Variants in CYLC2 observed in about 807,000 individuals in gnomAD.
The protein encoded by CYLC2 is cylicin 2, also known as cylicin-2.
Under a neutral mutation model 26.1 loss-of-function variants are expected in CYLC2, and 30 were observed. That is an observed-to-expected ratio of 1.15 (90% confidence interval 0.86 to 1.56). The LOEUF is 1.56. Among genes scored for constraint, CYLC2 ranks in the 40% most tolerant of loss-of-function variants. CYLC2 has a pLI of 0.00. For synonymous variants in CYLC2, 158 were observed against 132.8 expected (o/e 1.19, Z -1.31); for missense variants, 498 against 394.4 (o/e 1.26, Z -2.23).
intron 5 of CYLC2, among the ~76,000 whole-genome samples, chr9:103,009,420 T>C (rs976905098): frequency 6.6e-6 from 1 of 151,806 alleles, no homozygotes; most frequent in African/African-American, 2.4e-5. Context: ...CCCAGACTGG[T>C]CTCCAACTCC....
intron 1 of CYLC2, among the ~76,000 whole-genome samples, chr9:102,999,847 T>C (rs536932174): frequency 6.6e-6 from 1 of 151,986 alleles, no homozygotes; most frequent in South Asian, 2.1e-4. Context: ...ATTTTATATG[T>C]TTGTCAGTAT....
At position 103,005,163 on chromosome 9, in the gene CYLC2, T is replaced by A; in HGVS notation, c.532T>A (p.Ser178Thr). 6.2e-7 allele frequency: 1 copy of A among 1,604,446 alleles called. No individual in the cohort carries two copies. Among genetic ancestry groups the A allele is most frequent in the East Asian group, 2.2e-5 (1 of 44,696 alleles). Residue 178 changes from serine to threonine, a missense_variant, in exon 5 of 8, where the codon TCT (serine) becomes ACT (threonine). By Grantham distance (58) the Ser-to-Thr change is moderately conservative. Transcript: ENST00000374798. ...GAAGGGCAAAGACTCAGCAACAGAA[T>A]CTGAAGATGAAAAAGGAGGTGCAAA... ...AEKGKDSATE[S>T]EDEKGGAKKD...
At chr9:103,000,785 C>T (rs75481129) in intron 1 of CYLC2, among the ~76,000 whole-genome samples, 10,266 of 151,982 alleles carry the variant, frequency 0.068, 382 homozygotes, top group South Asian at 0.12. Flanking sequence ...TCACTCATGA[C>T]CAACGATGGC....
chr9:103,000,929 A>T (rs1829282392), intron 1 of CYLC2, among the ~76,000 whole-genome samples: 1 of 151,902 alleles, frequency 6.6e-6, no homozygotes, highest in Admixed American at 6.5e-5. Context: ...TTAAGATAGT[A>T]ATAAAACAAA....
intron 5 of CYLC2, among the ~76,000 whole-genome samples, chr9:103,009,767 G>C (rs1450032614): frequency 6.6e-6 from 1 of 151,708 alleles, no homozygotes; most frequent in Non-Finnish European, 1.5e-5. Flanking sequence ...TACCTCTATA[G>C]TTTGTTTTAA....
At chr9:103,004,013 T>A (rs1001477664) in intron 3 of CYLC2, among the ~76,000 whole-genome samples, 6 of 152,184 alleles carry the variant, frequency 3.9e-5, no homozygotes, top group Non-Finnish European at 8.8e-5. Flanking sequence ...AAAGTTCTTT[T>A]TTTCTTGCTG....
In CYLC2 at chr9:103,000,855, T is replaced by C. The variant is rs115005033; in HGVS notation, c.18-723T>C. Among the ~76,000 whole-genome samples the C allele has an allele frequency of 5.0e-3, 767 of 152,194 alleles. 5 individuals are homozygous for C. Among genetic ancestry groups the C allele is most frequent in the African/African-American group, 0.017 (725 of 41,568 alleles). On this transcript the variant is annotated intron_variant, in intron 1 of 7. Coordinates refer to ENST00000374798, the MANE Select transcript of CYLC2 (RefSeq NM_001340.5). ...AATATTTCTCTAATAGATCTTAGGA[T>C]TGGTCTCCATCACCAATAAATAAAA...
chr9:103,003,344 T>C, intron 3 of CYLC2, 81 bp downstream of exon 3: 1 of 1,269,506 alleles, frequency 7.9e-7, no homozygotes, highest in African/African-American at 1.5e-5. Flanking sequence ...GTAATTATAA[T>C]TAGTCTTAAG....
rs909159261 is a variant in CYLC2, at chr9:103,006,284, G to A, written c.*606G>A. 1 of 151,936 alleles carries A rather than the reference G, an allele frequency of 6.6e-6. No homozygotes were observed. Among genetic ancestry groups the A allele is most frequent in the African/African-American group, 2.4e-5 (1 of 41,372 alleles). The allele number at this position is 151,936 out of a possible 1,614,324, so 9.4% of individuals were successfully genotyped here. A position where few individuals can be genotyped will look rare whatever the true frequency, so the allele number is the denominator to read the frequency against. On this transcript the variant is annotated 3_prime_UTR_variant, in exon 5 of 8. Coordinates refer to ENST00000374798, the MANE Select transcript of CYLC2 (RefSeq NM_001340.5). ...AAAGAAAAAAAATGTATTACCACCC[G>A]ATGAGCCTACATCTTTCTTTCTGAA...
At position 103,005,864 on chromosome 9, in the gene CYLC2, T is replaced by G; in HGVS notation, c.*186T>G. On this transcript the variant is annotated 3_prime_UTR_variant, in exon 5 of 8. Coordinates refer to ENST00000374798, the MANE Select transcript of CYLC2 (RefSeq NM_001340.5). ...GATTTATAAAAATATATAAGAAAGA[T>G]GTTAAGAAAAATTAAGGGGGGATCC... is the stretch of plus-strand genomic sequence containing the variant. The G allele has an allele frequency of 1.6e-6, 1 of 630,832 alleles. No homozygotes were observed. Among genetic ancestry groups the G allele is most frequent in the Non-Finnish European group, 2.6e-6 (1 of 384,978 alleles). 39.1% of individuals were successfully genotyped at this position (630,832 alleles called of 1,614,324 possible).
chr9:103,001,515 T>C, intron 1 of CYLC2, 63 bp from the exon 2 acceptor site: 1 of 985,604 alleles, frequency 1.0e-6, no homozygotes, highest in South Asian at 1.4e-5. Flanking sequence ...AGTAAAATAA[T>C]GACAGTTTAA....
intron 5 of CYLC2, among the ~76,000 whole-genome samples, chr9:103,011,517 C>A (rs1829406595): frequency 6.6e-6 from 1 of 151,944 alleles, no homozygotes; most frequent in African/African-American, 2.4e-5. Flanking sequence ...GATAAAACCA[C>A]ATGAGTGACA....
intron 6 of CYLC2, 26 bp downstream of exon 6, chr9:103,012,123 T>C (rs778523217): frequency 6.6e-6 from 1 of 151,724 alleles, no homozygotes; most frequent in Non-Finnish European, 1.5e-5. Context: ...TCCAGCTAAT[T>C]TGTATTTGTT....
chr9:102,999,182 T>C (rs1829264771), intron 1 of CYLC2, among the ~76,000 whole-genome samples: 1 of 151,860 alleles, frequency 6.6e-6, no homozygotes, highest in Non-Finnish European at 1.5e-5. Flanking sequence ...TTTTAATAAC[T>C]TGTTTCTGTA....
intron 5 of CYLC2, among the ~76,000 whole-genome samples, chr9:103,006,586 T>C (rs1395682765): frequency 1.3e-5 from 2 of 152,004 alleles, no homozygotes; most frequent in Non-Finnish European, 2.9e-5. Flanking sequence ...CTGAATTTTT[T>C]TGTATTTTTA....
intron 6 of CYLC2, among the ~76,000 whole-genome samples, chr9:103,015,589 C>G (rs900880806): frequency 6.9e-6 from 1 of 145,084 alleles, no homozygotes; most frequent in Non-Finnish European, 1.5e-5. Flanking sequence ...TCTCCTTCAG[C>G]TAATTTTAAC....
intron 7 of CYLC2, among the ~76,000 whole-genome samples, chr9:103,017,579 T>C (rs1186488933): frequency 6.6e-6 from 1 of 152,060 alleles, no homozygotes; most frequent in Non-Finnish European, 1.5e-5. Context: ...AACCTACATG[T>C]TAACATATTC....
intron 6 of CYLC2, among the ~76,000 whole-genome samples, chr9:103,014,007 T>C (rs1403878842): frequency 2.6e-5 from 3 of 115,352 alleles, no homozygotes; most frequent in Admixed American, 1.1e-4. Context: ...AGTTATATTA[T>C]AATATATTAA....
In CYLC2 at chr9:103,005,005, A is replaced by C. The variant is rs1401370960; in HGVS notation, c.374A>C (p.Lys125Thr). Residue 125 changes from lysine (K) to threonine (T), a missense_variant, in exon 5 of 8, where the codon AAG (lysine) becomes ACG (threonine). By Grantham distance (78) the Lys-to-Thr change is moderately conservative. Transcript: ENST00000374798. Reference sequence around the variant, plus strand: ...AAAGGTGAAGACAAGACAACACAGAAGGACACAACAGATTCGGAATCAGAA... The same window carrying C: ...AAAGGTGAAGACAAGACAACACAGACGGACACAACAGATTCGGAATCAGAA... ...GKKGEDKTTQ[K>T]DTTDSESELK... is the part of the protein sequence containing the mutation. The C allele has an allele frequency of 6.3e-7, 1 of 1,588,706 alleles. No homozygotes were observed. Among genetic ancestry groups the C allele is most frequent in the Non-Finnish European group, 8.5e-7 (1 of 1,174,036 alleles).
Sources: allele counts gnomAD v4.1 joint callset (sites outside exome capture counted in the v4.1 genomes callset), GRCh38; gene constraint gnomAD v4.1.1; transcripts MANE v1.5; gene names NCBI Gene and HGNC (gene_info 2026-07-23, HGNC 2026-07-21).